Variants in XPR1 observed in about 807,000 individuals in gnomAD.
XPR1 encodes xenotropic and polytropic retrovirus receptor 1, also known as solute carrier family 53 member 1.
XPR1 carries 28 observed loss-of-function variants against 87.5 expected under a neutral mutation model. That is an observed-to-expected ratio of 0.32 (90% CI 0.24 to 0.44). The LOEUF (loss-of-function observed/expected upper bound fraction) is 0.44, where lower values mean the gene tolerates loss of function less well. XPR1 is among the 20% of genes least tolerant of loss of function. XPR1 has a pLI of 1.00. For synonymous variants in XPR1, 300 were observed against 306.1 expected (o/e 0.98, Z 0.21); for missense variants, 559 against 862.3 (o/e 0.65, Z 4.41).
At chr1:180,744,523 G>T (rs1024316209) in intron 2 of XPR1, among the ~76,000 whole-genome samples, 1 of 151,786 alleles carries the variant, frequency 6.6e-6, no homozygotes, top group Non-Finnish European at 1.5e-5. Context: ...GATTTTCCAG[G>T]TTATTTGTAT....
chr1:180,818,359 T>G (rs75903248), intron 7 of XPR1, among the ~76,000 whole-genome samples: 6,407 of 151,758 alleles, frequency 0.042, 486 homozygotes, highest in African/African-American at 0.15. Flanking sequence ...GGTACATATT[T>G]GCTTACTAAC....
At position 180,885,364 on chromosome 1, in the gene XPR1, C is replaced by A. The variant is rs1421699987; in HGVS notation, c.*1298C>A. On this transcript the variant is annotated 3_prime_UTR_variant, in exon 15 of 15. Coordinates refer to ENST00000367590, the MANE Select transcript of XPR1 (RefSeq NM_004736.4). ...GATTTCATGCCATCCCATAGAAAAC[C>A]TGTTTTAAAATTTTAGGGATCTTTA... The A allele has an allele frequency of 6.6e-6, 1 of 152,518 alleles. No homozygotes were observed. Among genetic ancestry groups the A allele is most frequent in the African/African-American group, 2.4e-5 (1 of 41,420 alleles). 9.4% of individuals were successfully genotyped at this position (152,518 alleles called of 1,614,324 possible). A position where few individuals can be genotyped will look rare whatever the true frequency, so the allele number is the denominator to read the frequency against.
chr1:180,642,595 T>G (rs1654995140), intron 1 of XPR1, among the ~76,000 whole-genome samples: 2 of 152,096 alleles, frequency 1.3e-5, no homozygotes, highest in Non-Finnish European at 2.9e-5. Flanking sequence ...CAAGGTCATG[T>G]AGCTAGGGAG....
chr1:180,673,812 C>T (rs1656278133), intron 1 of XPR1, among the ~76,000 whole-genome samples: 1 of 152,228 alleles, frequency 6.6e-6, no homozygotes, highest in Non-Finnish European at 1.5e-5. Flanking sequence ...TTGGGGACCA[C>T]TGATCTAGAT....
chr1:180,680,165 CA>C (rs1318666558), intron 1 of XPR1, among the ~76,000 whole-genome samples: 3 of 151,994 alleles, frequency 2.0e-5, no homozygotes, highest in African/African-American at 7.3e-5. Flanking sequence ...ATCAAAACCA[CA>C]GTGAGGTATC....
intron 2 of XPR1, among the ~76,000 whole-genome samples, chr1:180,756,334 G>C (rs1251447793): frequency 6.6e-6 from 1 of 152,180 alleles, no homozygotes; most frequent in Non-Finnish European, 1.5e-5. Flanking sequence ...AGCCATCCTG[G>C]AGGATATGAC....
At chr1:180,778,604 A>G (rs879730774) in intron 2 of XPR1, among the ~76,000 whole-genome samples, 1 of 152,122 alleles carries the variant, frequency 6.6e-6, no homozygotes, top group African/African-American at 2.4e-5. Context: ...CTCTAGTAAC[A>G]CTAACATACT....
chr1:180,760,643 T>C (rs1358630459), intron 2 of XPR1, among the ~76,000 whole-genome samples: 1 of 152,188 alleles, frequency 6.6e-6, no homozygotes, highest in Non-Finnish European at 1.5e-5. Context: ...GAACGTTCCA[T>C]GCTCATGGGT....
intron 2 of XPR1, among the ~76,000 whole-genome samples, chr1:180,762,943 A>T (rs61811193): frequency 0.053 from 8,140 of 152,282 alleles, 314 homozygotes; most frequent in Non-Finnish European, 0.079. Flanking sequence ...ACAAAAAGGC[A>T]TGGATCACCA....
At chr1:180,725,366 G>T (rs1259164013) in intron 2 of XPR1, among the ~76,000 whole-genome samples, 1 of 152,122 alleles carries the variant, frequency 6.6e-6, no homozygotes, top group Non-Finnish European at 1.5e-5. Flanking sequence ...GGGACAGGGA[G>T]TAAAGGGTAA....
intron 2 of XPR1, among the ~76,000 whole-genome samples, chr1:180,744,270 G>A (rs1258271656): frequency 6.6e-6 from 1 of 151,972 alleles, no homozygotes; most frequent in African/African-American, 2.4e-5. Context: ...CCCATTTGGT[G>A]AGTTTTTATT....
intron 1 of XPR1, among the ~76,000 whole-genome samples, chr1:180,660,687 T>C (rs61809308): frequency 0.054 from 8,164 of 151,836 alleles, 299 homozygotes; most frequent in Non-Finnish European, 0.079. Flanking sequence ...TTTCTAGTTT[T>C]ATTCCGTTGT....
chr1:180,760,961 G>A lies in XPR1; in HGVS notation c.122-26792G>A, dbSNP rs531897849. Among the ~76,000 whole-genome samples, 11 of 152,050 alleles carry A rather than the reference G, an allele frequency of 7.2e-5. No homozygotes were observed. The South Asian group carries it at 1.5e-3, about 20-fold the overall frequency. On this transcript the variant is annotated intron_variant, in intron 2 of 14. Coordinates refer to ENST00000367590, the MANE Select transcript of XPR1 (RefSeq NM_004736.4). ...GAACAGAGCCCTCAGAAATAATGCC[G>A]CATATCTACAACCATCTGATCTTTG...
chr1:180,751,608 A>G (rs1647538169), intron 2 of XPR1, among the ~76,000 whole-genome samples: 1 of 152,148 alleles, frequency 6.6e-6, no homozygotes. Context: ...CATTAGTTTT[A>G]TAAATAAAAT....
chr1:180,656,341 TA>T (rs1655466908), intron 1 of XPR1, among the ~76,000 whole-genome samples: 1 of 109,238 alleles, frequency 9.2e-6, no homozygotes, highest in Admixed American at 1.5e-4. Context: ...ATATAATATT[TA>T]TATATTTAAT....
chr1:180,783,707 A>G (rs573895008), intron 2 of XPR1, among the ~76,000 whole-genome samples: 2 of 152,136 alleles, frequency 1.3e-5, no homozygotes, highest in East Asian at 3.9e-4. Context: ...TAATATCATA[A>G]TGTACTTAAC....
intron 7 of XPR1, among the ~76,000 whole-genome samples, chr1:180,823,355 T>C (rs1335763690): frequency 6.6e-6 from 1 of 152,144 alleles, no homozygotes; most frequent in Non-Finnish European, 1.5e-5. Context: ...TCTCATACAG[T>C]GGGCTTAAAA....
chr1:180,858,863 C>G (rs893231007), intron 11 of XPR1, among the ~76,000 whole-genome samples: 2 of 152,152 alleles, frequency 1.3e-5, no homozygotes, highest in Non-Finnish European at 2.9e-5. Flanking sequence ...CACTAAAGAT[C>G]GGGGAATATC....
At chr1:180,708,909 TGGGGG>T (rs34223946) in intron 2 of XPR1, among the ~76,000 whole-genome samples, 8 of 23,740 alleles carry the variant, frequency 3.4e-4, no homozygotes, top group African/African-American at 1.2e-3. Flanking sequence ...TTTTTTTTTT[TGGGGG>T]GGGGGGGGCG....
Sources: gnomAD v4.1 joint callset for allele counts (sites outside exome capture counted in the v4.1 genomes callset) on GRCh38, gnomAD v4.1.1 for gene constraint, MANE v1.5 for transcripts, NCBI Gene and HGNC (gene_info 2026-07-23, HGNC 2026-07-21) for gene names.